The following METTL25 variants were observed in gnomAD, a reference collection of about 807,000 sequenced individuals.
METTL25 encodes methyltransferase like 25, also known as probable methyltransferase-like protein 25.
Under a neutral mutation model 71.6 loss-of-function variants are expected in METTL25, and 64 were observed. The ratio of observed to expected loss-of-function variants is 0.89; its 90% CI spans 0.73 to 1.10. METTL25 has a LOEUF of 1.10. Among genes scored for constraint, METTL25 ranks in the 50% least tolerant of loss-of-function variants. The pLI is 0.00. For missense variants in METTL25, 807 were observed against 707.0 expected (o/e 1.14, Z -1.60); for synonymous variants, 287 against 250.3 (o/e 1.15, Z -1.38).
chr12:82,446,034 C>A (rs747163377), intron 8 of METTL25, among the ~76,000 whole-genome samples: 8 of 152,036 alleles, frequency 5.3e-5, no homozygotes, highest in Non-Finnish European at 1.0e-4. Context: ...TAAGGGTCAG[C>A]TATACTTACG....
chr12:82,442,993 A>G (rs1890463109), intron 8 of METTL25, among the ~76,000 whole-genome samples: 1 of 151,810 alleles, frequency 6.6e-6, no homozygotes, highest in African/African-American at 2.4e-5. Flanking sequence ...AAATATCTAC[A>G]ATGAGGGATC....
chr12:82,404,440 GAAAT>G (rs1270323609), intron 5 of METTL25, among the ~76,000 whole-genome samples: 1 of 152,000 alleles, frequency 6.6e-6, no homozygotes, highest in African/African-American at 2.4e-5. Flanking sequence ...TATCTTTTCT[GAAAT>G]AAATGAAAAA....
chr12:82,373,549 G>A (rs530289646), intron 1 of METTL25, among the ~76,000 whole-genome samples: 2 of 152,276 alleles, frequency 1.3e-5, no homozygotes, highest in Non-Finnish European at 2.9e-5. Flanking sequence ...GGAGAAGAGA[G>A]GTGAGAGAAA....
chr12:82,377,807 TA>T (rs1418292208), intron 1 of METTL25, among the ~76,000 whole-genome samples: 1 of 152,200 alleles, frequency 6.6e-6, no homozygotes, highest in Non-Finnish European at 1.5e-5. Context: ...ATAGCTAATT[TA>T]AATGAATGCT....
chr12:82,417,156 A>G (rs1592686808), intron 5 of METTL25, among the ~76,000 whole-genome samples: 3 of 152,232 alleles, frequency 2.0e-5, no homozygotes, highest in East Asian at 3.9e-4. Context: ...AACAGAGACT[A>G]AAGTTTAAAA....
chr12:82,381,533 T>C (rs1264749856), intron 1 of METTL25, among the ~76,000 whole-genome samples: 2 of 152,242 alleles, frequency 1.3e-5, no homozygotes, highest in Non-Finnish European at 2.9e-5. Context: ...AAATGTTTTC[T>C]AGCACATAAT....
chr12:82,430,295 A>C (rs568935288), intron 5 of METTL25, among the ~76,000 whole-genome samples: 1 of 128,094 alleles, frequency 7.8e-6, no homozygotes, highest in Non-Finnish European at 1.6e-5. Flanking sequence ...TGATTAAGTA[A>C]TGAACATTGA....
At chr12:82,460,664 G>A (rs376689670) in intron 9 of METTL25, among the ~76,000 whole-genome samples, 40 of 152,330 alleles carry the variant, frequency 2.6e-4, no homozygotes, top group African/African-American at 9.6e-4. Context: ...TCTCAAAACT[G>A]TCAAGGTCTG....
At chr12:82,414,985 A>G (rs908327658) in intron 5 of METTL25, among the ~76,000 whole-genome samples, 4 of 152,054 alleles carry the variant, frequency 2.6e-5, no homozygotes, top group African/African-American at 9.7e-5. Context: ...GGTGTTCCAT[A>G]TGTGTCTCAT....
At chr12:82,396,654 C>T (rs1886108796) in intron 3 of METTL25, among the ~76,000 whole-genome samples, 1 of 151,850 alleles carries the variant, frequency 6.6e-6, no homozygotes, top group African/African-American at 2.4e-5. Context: ...TAAATATTCA[C>T]CAACTCTAGC....
At chr12:82,375,883 C>T (rs1364316361) in intron 1 of METTL25, among the ~76,000 whole-genome samples, 1 of 152,190 alleles carries the variant, frequency 6.6e-6, no homozygotes, top group African/African-American at 2.4e-5. Flanking sequence ...GCAAAAATTA[C>T]TTAGCATTTT....
intron 5 of METTL25, among the ~76,000 whole-genome samples, chr12:82,421,425 C>CA (rs1888479108): frequency 6.6e-6 from 1 of 152,058 alleles, no homozygotes; most frequent in African/African-American, 2.4e-5. Context: ...ATATTAGTGC[C>CA]AGTTATTAAA....
chr12:82,443,279 G>A (rs1286260616), intron 8 of METTL25, among the ~76,000 whole-genome samples: 1 of 151,906 alleles, frequency 6.6e-6, no homozygotes, highest in Non-Finnish European at 1.5e-5. Context: ...AATTCTTAAA[G>A]CAGCCAGAGG....
At chr12:82,471,348 G>T (rs1477095408) in intron 9 of METTL25, among the ~76,000 whole-genome samples, 1 of 152,174 alleles carries the variant, frequency 6.6e-6, no homozygotes, top group Non-Finnish European at 1.5e-5. Context: ...CCTGCCTGGT[G>T]CCTACAGGGC....
intron 5 of METTL25, among the ~76,000 whole-genome samples, chr12:82,404,299 C>T (rs1207898707): frequency 2.0e-5 from 3 of 151,722 alleles, no homozygotes; most frequent in African/African-American, 7.3e-5. Flanking sequence ...GCTATTATTA[C>T]CAACTCATTT....
chr12:82,378,748 C>T (rs990374477), intron 1 of METTL25, among the ~76,000 whole-genome samples: 8 of 152,088 alleles, frequency 5.3e-5, no homozygotes, highest in African/African-American at 1.9e-4. Context: ...ACAAACTGGC[C>T]AGGTGCAATA....
chr12:82,422,652 A>G (rs955658636), intron 5 of METTL25, among the ~76,000 whole-genome samples: 2 of 152,138 alleles, frequency 1.3e-5, no homozygotes, highest in Admixed American at 6.6e-5. Context: ...AAACCCCATC[A>G]TCTCAGCCCA....
At chr12:82,395,687 G>T (rs948194445) in intron 3 of METTL25, among the ~76,000 whole-genome samples, 4 of 152,008 alleles carry the variant, frequency 2.6e-5, no homozygotes, top group African/African-American at 9.7e-5. Flanking sequence ...CTGTGGGAAA[G>T]TCTCCTAAAC....
At chr12:82,418,418 T>C (rs1038897612) in intron 5 of METTL25, among the ~76,000 whole-genome samples, 4 of 152,166 alleles carry the variant, frequency 2.6e-5, no homozygotes, top group Non-Finnish European at 5.9e-5. Flanking sequence ...ACTATTCTGC[T>C]GTAGCAATTT....
Sources: allele counts gnomAD v4.1 joint callset (sites outside exome capture counted in the v4.1 genomes callset), GRCh38; gene constraint gnomAD v4.1.1; transcripts MANE v1.5; gene names NCBI Gene and HGNC (gene_info 2026-07-23, HGNC 2026-07-21).